CELSR1: variants seen among roughly 807,000 people sequenced by gnomAD.
CELSR1 encodes the protein cadherin EGF LAG seven-pass G-type receptor 1, also known as adhesion G protein-coupled receptor C1.
A neutral mutation model predicts 249.1 loss-of-function variants in CELSR1; 110 were observed. The ratio of observed to expected loss-of-function variants is 0.44; its 90% CI spans 0.38 to 0.52. The LOEUF (loss-of-function observed/expected upper bound fraction) is 0.52. Among genes scored for constraint, CELSR1 ranks in the 20% least tolerant of loss-of-function variants. CELSR1 has a pLI of 0.00. For missense variants in CELSR1, 4,109 were observed against 4,296.4 expected (o/e 0.96, Z 1.22); for synonymous variants, 2,113 against 1,900.0 (o/e 1.11, Z -2.92).
intron 1 of CELSR1, among the ~76,000 whole-genome samples, chr22:46,516,374 G>A (rs1028050717): frequency 9.2e-5 from 14 of 152,008 alleles, no homozygotes; most frequent in African/African-American, 9.7e-5. Context: ...ACCAAACACC[G>A]CATGTTCTCA....
intron 2 of CELSR1, among the ~76,000 whole-genome samples, chr22:46,458,993 A>G (rs2079988893): frequency 6.6e-6 from 1 of 152,044 alleles, no homozygotes; most frequent in Non-Finnish European, 1.5e-5. Context: ...CCTGGGTTCA[A>G]GCGATTCTCC....
chr22:46,377,059 A>G lies in CELSR1; in HGVS notation c.7584+2T>C. The G allele has an allele frequency of 6.2e-7, 1 of 1,612,762 alleles. No homozygotes were observed. The highest frequency in any genetic ancestry group is 8.5e-7 in the Non-Finnish European group (1 of 1,179,826). On this transcript the variant is annotated splice_donor_variant, in intron 24 of 34. Coordinates refer to ENST00000674500, the MANE Select transcript of CELSR1 (RefSeq NM_001378328.1). LOFTEE classifies it high-confidence loss of function. ...GTGGGGAGGGGAGCAGAGTGGCCAT[A>G]CCGGGTTTTCCGTCTGGTTGATCCC...
intron 20 of CELSR1, among the ~76,000 whole-genome samples, chr22:46,383,911 A>G (rs2079005256): frequency 6.6e-6 from 1 of 152,100 alleles, no homozygotes; most frequent in African/African-American, 2.4e-5. Context: ...GACATTATCA[A>G]TTACATGGCT....
intron 4 of CELSR1, among the ~76,000 whole-genome samples, chr22:46,435,968 G>A (rs2079655328): frequency 6.6e-6 from 1 of 152,060 alleles, no homozygotes. Flanking sequence ...CAAAGTGCTG[G>A]GATTACAGGC....
At chr22:46,378,072 A>AG (rs5845747) in intron 23 of CELSR1, among the ~76,000 whole-genome samples, 152,354 of 152,354 alleles carry the variant, frequency 1, 76,177 homozygotes, top group Non-Finnish European at 1. Flanking sequence ...ATTCATCTGC[A>AG]GCCCACAATG....
Position 46,527,786 on chromosome 22 carries a change from C to G in CELSR1, c.3544+5841G>C, listed in dbSNP as rs2080752472. Among the ~76,000 whole-genome samples the G allele has an allele frequency of 6.6e-6, 1 of 152,220 alleles. No homozygotes were observed. The highest frequency in any genetic ancestry group is 2.4e-5 in the African/African-American group (1 of 41,460). ...ACACTGGCAGAATCCTGCTTGGCCA[C>G]TGAAGCAATTTAAGATGGTCCGACC... On this transcript the variant is annotated intron_variant, in intron 1 of 34. Transcript: ENST00000674500. The surrounding 1 kb of genome is among the most constrained non-coding windows in gnomAD (Gnocchi z 5.5).
chr22:46,495,519 C>G (rs1474405028), intron 1 of CELSR1, among the ~76,000 whole-genome samples: 1 of 152,164 alleles, frequency 6.6e-6, no homozygotes, highest in African/African-American at 2.4e-5. Context: ...CACTGAACAC[C>G]AGGCTGCACT....
rs1423095405 is a variant in CELSR1 at position 46,508,437 on chromosome 22, C to A, written c.3544+25190G>T. Among the ~76,000 whole-genome samples the A allele has an allele frequency of 5.7e-5, 8 of 139,614 alleles. No homozygotes were observed. The East Asian group carries it at 1.4e-3, about 25-fold the overall frequency. The allele number at this position is 139,614 out of a possible 152,430, so 91.6% of individuals were successfully genotyped here. ...TGGTCATCCCCACCCTGTGGCCCCC[C>A]CACCCCCGCCCCTTGCTGTCCCCTC... On this transcript the variant is annotated intron_variant, in intron 1 of 34. Coordinates refer to ENST00000674500, the MANE Select transcript of CELSR1 (RefSeq NM_001378328.1).
chr22:46,367,953 C>T (rs1036962786), intron 27 of CELSR1, 98 bp from the exon 28 acceptor site: 24 of 1,448,264 alleles, frequency 1.7e-5, no homozygotes, highest in Admixed American at 2.1e-5. Context: ...CCTGCCCGTC[C>T]GCCCATCTAT....
At chr22:46,520,878 C>A (rs943674568) in intron 1 of CELSR1, among the ~76,000 whole-genome samples, 1 of 152,130 alleles carries the variant, frequency 6.6e-6, no homozygotes, top group Admixed American at 6.5e-5. Context: ...CCCCATTAAA[C>A]GCAACTCCTG....
In CELSR1 at chr22:46,413,791, C is replaced by T. The variant is rs1050761938; in HGVS notation, c.4612-2032G>A. Reference sequence around the variant, plus strand: ...GTAACGCGGCCCACTTTGGAAAACGCGTGGAAGTGCCCATTATGGGACGCT... The same window carrying T: ...GTAACGCGGCCCACTTTGGAAAACGTGTGGAAGTGCCCATTATGGGACGCT... On this transcript the variant is annotated intron_variant, in intron 5 of 34. Coordinates refer to ENST00000674500, the MANE Select transcript of CELSR1 (RefSeq NM_001378328.1). This position sits in a 1 kb window ranked among gnomAD's most constrained non-coding sequence, Gnocchi z 4.7. Among the ~76,000 whole-genome samples the T allele has an allele frequency of 1.3e-5, 2 of 152,194 alleles. No homozygotes were observed. Among genetic ancestry groups the T allele is most frequent in the South Asian group, 2.1e-4 (1 of 4,828 alleles).
At position 46,362,398 on chromosome 22, in the gene CELSR1, AC is replaced by A. The variant is rs1796859016; in HGVS notation, c.*824del. 1 of 152,602 alleles carries A rather than the reference AC, an allele frequency of 6.6e-6. No individual in the cohort carries two copies. The highest frequency in any genetic ancestry group is 6.5e-5 in the Admixed American group (1 of 15,300). 9.5% of individuals were successfully genotyped at this position (152,602 alleles called of 1,614,324 possible). On this transcript the variant is annotated 3_prime_UTR_variant, in exon 35 of 35. Transcript: ENST00000674500. Reference sequence around the variant, plus strand: ...CGGGGCAGATGGCAGCAGAGGACAAACGCACACACAGCGAACACTGGGGACC... The same window carrying A: ...CGGGGCAGATGGCAGCAGAGGACAAAGCACACACAGCGAACACTGGGGACC...
At position 46,428,345 on chromosome 22, in the gene CELSR1, C is replaced by T. The variant is rs995075532; in HGVS notation, c.4611+5048G>A. On this transcript the variant is annotated intron_variant, in intron 5 of 34. Transcript: ENST00000674500. This position sits in a 1 kb window ranked among gnomAD's most constrained non-coding sequence, Gnocchi z 5.7. Reference sequence around the variant, plus strand: ...GTCTAGCCACCCGTGGCCAGCATGGCGATCGCGACCAGCACAGCATCGTCC... The same window carrying T: ...GTCTAGCCACCCGTGGCCAGCATGGTGATCGCGACCAGCACAGCATCGTCC... Among the ~76,000 whole-genome samples the T allele has an allele frequency of 6.6e-6, 1 of 152,236 alleles. No individual in the cohort carries two copies. Among genetic ancestry groups the T allele is most frequent in the East Asian group, 1.9e-4 (1 of 5,196 alleles).
intron 1 of CELSR1, among the ~76,000 whole-genome samples, chr22:46,479,698 A>G (rs1473429017): frequency 1.3e-5 from 2 of 151,678 alleles, no homozygotes; most frequent in East Asian, 3.9e-4. Context: ...CACAGCCGGG[A>G]AGCAGCAAAT....
rs2079349463 is a variant in CELSR1 at position 46,412,468 on chromosome 22, C to T, written c.4612-709G>A. Among the ~76,000 whole-genome samples, 1 of 152,156 alleles carries T rather than the reference C, an allele frequency of 6.6e-6. No individual in the cohort carries two copies. The highest frequency in any genetic ancestry group is 1.5e-5 in the Non-Finnish European group (1 of 68,022). Reference sequence around the variant, plus strand: ...AGTACAGACACCAGGAGGCCACTGCCCGGCCTGCAGACGGCCCCACATCTC... The same window carrying T: ...AGTACAGACACCAGGAGGCCACTGCTCGGCCTGCAGACGGCCCCACATCTC... On this transcript the variant is annotated intron_variant, in intron 5 of 34. Transcript: ENST00000674500. The surrounding 1 kb of genome is among the most constrained non-coding windows in gnomAD (Gnocchi z 4.5).
chr22:46,404,760 A>G (rs1212016592), intron 9 of CELSR1, among the ~76,000 whole-genome samples: 1 of 151,996 alleles, frequency 6.6e-6, no homozygotes, highest in Admixed American at 6.6e-5. Context: ...AAGTGGTAGG[A>G]TTACATCCAT....
intron 1 of CELSR1, among the ~76,000 whole-genome samples, chr22:46,477,991 C>A (rs1019005879): frequency 6.6e-6 from 1 of 152,156 alleles, no homozygotes; most frequent in Non-Finnish European, 1.5e-5. Context: ...GCACCCCCAC[C>A]CCAGGCTATG....
At chr22:46,529,305 C>A (rs5768903) in intron 1 of CELSR1, among the ~76,000 whole-genome samples, 102,852 of 151,848 alleles carry the variant, frequency 0.68, 36,277 homozygotes, top group African/African-American at 0.88. Context: ...TTGCAACAAC[C>A]TGGATGGAAC....
Position 46,396,514 on chromosome 22 carries a change from G to C in CELSR1, c.5843+91C>G. The C allele has an allele frequency of 7.6e-7, 1 of 1,312,074 alleles. No individual in the cohort carries two copies. Among genetic ancestry groups the C allele is most frequent in the Non-Finnish European group, 9.9e-7 (1 of 1,009,634 alleles). The allele number at this position is 1,312,074 out of a possible 1,614,324, so 81.3% of individuals were successfully genotyped here. ...GTTACCCAGAATCACACATATCTTTGGGTCAAAATAAGAAAGAGAAGACAC... is the reference window on the plus strand; with the variant it reads ...GTTACCCAGAATCACACATATCTTTCGGTCAAAATAAGAAAGAGAAGACAC... On this transcript the variant is annotated intron_variant, in intron 13 of 34. Coordinates refer to ENST00000674500, the MANE Select transcript of CELSR1 (RefSeq NM_001378328.1). This position sits in a 1 kb window ranked among gnomAD's most constrained non-coding sequence, Gnocchi z 6.4.
Sources: gnomAD v4.1 joint callset for allele counts (sites outside exome capture counted in the v4.1 genomes callset) on GRCh38, gnomAD v4.1.1 for gene constraint, Gnocchi (gnomAD v3.1) non-coding constraint, MANE v1.5 for transcripts, NCBI Gene and HGNC (gene_info 2026-07-23, HGNC 2026-07-21) for gene names.